Variants in UST observed in about 807,000 individuals in gnomAD.
The protein encoded by UST is chondroitin sulfate 2-O-sulfotransferase.
UST carries 21 observed loss-of-function variants against 45.6 expected under a neutral mutation model. The ratio of observed to expected loss-of-function variants is 0.46; its 90% CI spans 0.33 to 0.66. The LOEUF (loss-of-function observed/expected upper bound fraction) is 0.66. UST is among the 30% of genes least tolerant of loss of function. The pLI, the probability that UST is intolerant of heterozygous loss-of-function variation, is 0.02. For synonymous variants in UST, 215 were observed against 200.6 expected (o/e 1.07, Z -0.61); for missense variants, 463 against 512.4 (o/e 0.90, Z 0.93).
intron 7 of UST, among the ~76,000 whole-genome samples, chr6:149,062,844 G>A (rs577937564): frequency 3.3e-5 from 5 of 152,350 alleles, no homozygotes; most frequent in African/African-American, 1.2e-4. Flanking sequence ...GGAAGATTGA[G>A]CAAGGTAGTG....
At chr6:148,844,904 G>C (rs142159549) in intron 1 of UST, among the ~76,000 whole-genome samples, 109 of 152,154 alleles carry the variant, frequency 7.2e-4, no homozygotes, top group African/African-American at 2.3e-3. Context: ...CTGTTCCTGT[G>C]CTAATTCACT....
intron 2 of UST, among the ~76,000 whole-genome samples, chr6:148,908,824 A>G (rs1007910047): frequency 1.3e-5 from 2 of 152,202 alleles, no homozygotes; most frequent in Non-Finnish European, 2.9e-5. Context: ...AGAACAAAAT[A>G]TTTTTACAGC....
At position 149,001,981 on chromosome 6, in the gene UST, T is replaced by A. The variant is rs576602000; in HGVS notation, c.682-17158T>A. Among the ~76,000 whole-genome samples the A allele has an allele frequency of 2.6e-5, 4 of 152,308 alleles. No individual in the cohort carries two copies. In the South Asian group the frequency reaches 6.2e-4, roughly 24 times the overall value. On this transcript the variant is annotated intron_variant, in intron 5 of 7. Coordinates refer to ENST00000367463, the MANE Select transcript of UST (RefSeq NM_005715.3). ...AATCAAGTTTGAATGTTAAAAAAAA[T>A]TTAATGACTTTTCCATTTACTTATC...
intron 2 of UST, among the ~76,000 whole-genome samples, chr6:148,913,771 A>G (rs1779525858): frequency 6.6e-6 from 1 of 152,218 alleles, no homozygotes; most frequent in Non-Finnish European, 1.5e-5. Flanking sequence ...TATTAAGTCT[A>G]CTAGAAAATA....
chr6:148,938,028 A>G (rs753344776), intron 2 of UST, among the ~76,000 whole-genome samples: 4 of 152,228 alleles, frequency 2.6e-5, no homozygotes, highest in Non-Finnish European at 4.4e-5. Context: ...ATTGTTGCCA[A>G]TGAACAGGCT....
intron 1 of UST, among the ~76,000 whole-genome samples, chr6:148,842,944 A>G (rs1490732352): frequency 6.6e-6 from 1 of 152,230 alleles, no homozygotes; most frequent in African/African-American, 2.4e-5. Context: ...GATATTAAAT[A>G]AAATAAAGAA....
At chr6:148,944,013 T>C (rs17080323) in intron 3 of UST, among the ~76,000 whole-genome samples, 23,697 of 152,172 alleles carry the variant, frequency 0.16, 2,114 homozygotes, top group African/African-American at 0.22. Flanking sequence ...AACACTTTTT[T>C]TGTCCTTGTA....
At chr6:149,023,615 C>T (rs1288775357) in intron 7 of UST, among the ~76,000 whole-genome samples, 2 of 152,140 alleles carry the variant, frequency 1.3e-5, no homozygotes, top group Non-Finnish European at 1.5e-5. Context: ...GAGGAGCCAA[C>T]GTGAGAGTCC....
chr6:148,793,542 T>C (rs1776893000), intron 1 of UST, among the ~76,000 whole-genome samples: 1 of 152,190 alleles, frequency 6.6e-6, no homozygotes, highest in Admixed American at 6.5e-5. Context: ...CTGAGAAATG[T>C]TATGTGCTAG....
chr6:148,788,378 G>A (rs900392396), intron 1 of UST, among the ~76,000 whole-genome samples: 13 of 151,914 alleles, frequency 8.6e-5, no homozygotes, highest in Non-Finnish European at 4.4e-5. Flanking sequence ...CTTAGTGAAA[G>A]TTATTTTATT....
chr6:148,859,590 T>A (rs1240190280), intron 1 of UST, among the ~76,000 whole-genome samples: 4 of 152,214 alleles, frequency 2.6e-5, no homozygotes, highest in African/African-American at 9.6e-5. Flanking sequence ...CTGAATGGTA[T>A]TGCCTAGGTT....
At chr6:148,932,108 G>A (rs750470928) in intron 2 of UST, among the ~76,000 whole-genome samples, 79 of 152,278 alleles carry the variant, frequency 5.2e-4, no homozygotes, top group African/African-American at 1.6e-3. Context: ...GGCCGAGCGC[G>A]GTGCCTCATG....
At chr6:148,988,573 CAA>C (rs760248567) in intron 5 of UST, among the ~76,000 whole-genome samples, 280 of 86,904 alleles carry the variant, frequency 3.2e-3, no homozygotes, top group African/African-American at 0.012. Flanking sequence ...GACCCTGTCT[CAA>C]AAAAAAAAAA....
In UST at chr6:148,937,601, A is replaced by T. The variant is rs1202855339; in HGVS notation, c.292-3678A>T. 2.6e-5 allele frequency among the ~76,000 whole-genome samples: 4 copies of T among 152,232 alleles called. No homozygotes were observed. The East Asian group carries it at 7.7e-4, about 29-fold the overall frequency. ...TACCCAAACAATTCAGGAGAAATTA[A>T]GTGATTTCACCTAAGTTTTCTAGGT... On this transcript the variant is annotated intron_variant, in intron 2 of 7. Transcript: ENST00000367463.
At chr6:149,053,477 C>T (rs1776518190) in intron 7 of UST, among the ~76,000 whole-genome samples, 1 of 152,158 alleles carries the variant, frequency 6.6e-6, no homozygotes, top group African/African-American at 2.4e-5. Flanking sequence ...TTCTATGTTC[C>T]TCTTTGTGGC....
intron 3 of UST, among the ~76,000 whole-genome samples, chr6:148,949,117 C>T (rs113252804): frequency 1.3e-5 from 2 of 152,008 alleles, no homozygotes; most frequent in African/African-American, 4.8e-5. Context: ...ATGGTGAAAC[C>T]CTGTCTCTAC....
chr6:149,002,878 A>C (rs967574755), intron 5 of UST, among the ~76,000 whole-genome samples: 1 of 152,234 alleles, frequency 6.6e-6, no homozygotes, highest in Non-Finnish European at 1.5e-5. Context: ...AACTACCAAG[A>C]AGATATTCTA....
At chr6:149,027,130 T>C (rs1027053283) in intron 7 of UST, among the ~76,000 whole-genome samples, 7 of 152,218 alleles carry the variant, frequency 4.6e-5, no homozygotes, top group Admixed American at 2.0e-4. Context: ...AGGATGGTAG[T>C]GTGCTCACTG....
chr6:148,856,040 G>A (rs777558638), intron 1 of UST, among the ~76,000 whole-genome samples: 1 of 151,996 alleles, frequency 6.6e-6, no homozygotes, highest in South Asian at 2.1e-4. Context: ...GTTTTGAGAC[G>A]GAGTTTCACT....
Sources: gnomAD v4.1 joint callset for allele counts (sites outside exome capture counted in the v4.1 genomes callset) on GRCh38, gnomAD v4.1.1 for gene constraint, MANE v1.5 for transcripts, NCBI Gene and HGNC (gene_info 2026-07-23, HGNC 2026-07-21) for gene names.